PDE1A: variants seen among roughly 807,000 people sequenced by gnomAD.
PDE1A encodes the protein phosphodiesterase 1A, also known as dual specificity calcium/calmodulin-dependent 3',5'-cyclic nucleotide phosphodiesterase 1A.
In PDE1A, 35 loss-of-function variants were observed where a neutral mutation model predicts 61.7. The observed-to-expected ratio is 0.57, with a 90% CI of 0.43 to 0.75. PDE1A has a LOEUF of 0.75. Among genes scored for constraint, PDE1A ranks in the 30% least tolerant of loss-of-function variants. The pLI, the probability that PDE1A is intolerant of heterozygous loss-of-function variation, is 0.00. For synonymous variants in PDE1A, 232 were observed against 213.2 expected, an observed-to-expected ratio of 1.09 and a Z score of -0.77; for missense variants, 597 against 630.6, an observed-to-expected ratio of 0.95 and a Z score of 0.57.
intron 2 of PDE1A, among the ~76,000 whole-genome samples, chr2:182,503,168 G>A (rs1689198608): frequency 6.6e-6 from 1 of 151,600 alleles, no homozygotes; most frequent in African/African-American, 2.4e-5. Flanking sequence ...TCTCAAATAT[G>A]TCCCAAATCT....
intron 11 of PDE1A, 68 bp from the exon 12 acceptor site, chr2:182,186,656 C>A: frequency 6.8e-7 from 1 of 1,476,544 alleles, no homozygotes; most frequent in South Asian, 1.3e-5. Context: ...ATTCTGAAAT[C>A]AGAAATAATG....
At chr2:182,178,518 TC>T (rs1215170218) in intron 13 of PDE1A, among the ~76,000 whole-genome samples, 1 of 152,114 alleles carries the variant, frequency 6.6e-6, no homozygotes, top group African/African-American at 2.4e-5. Context: ...AATTTGGCCA[TC>T]CCTGTGCATT....
At chr2:182,385,141 G>C (rs1320096491) in intron 1 of PDE1A, among the ~76,000 whole-genome samples, 2 of 152,100 alleles carry the variant, frequency 1.3e-5, no homozygotes, top group African/African-American at 2.4e-5. Context: ...ATCTCCACCA[G>C]GCCTGTCTTA....
chr2:182,228,148 T>C (rs1468847222), intron 6 of PDE1A, among the ~76,000 whole-genome samples: 2 of 152,126 alleles, frequency 1.3e-5, no homozygotes, highest in South Asian at 2.1e-4. Context: ...ACTGTCACCA[T>C]GGCACAGGAC....
At chr2:182,318,846 T>G (rs1337846247) in intron 1 of PDE1A, among the ~76,000 whole-genome samples, 2 of 152,198 alleles carry the variant, frequency 1.3e-5, no homozygotes, top group African/African-American at 4.8e-5. Flanking sequence ...CCTTTCTTTT[T>G]TTAAAACCTT....
chr2:182,218,641 A>G (rs190353565), intron 7 of PDE1A, among the ~76,000 whole-genome samples: 26 of 152,138 alleles, frequency 1.7e-4, no homozygotes, highest in African/African-American at 5.5e-4. Context: ...GGTCCTCTCT[A>G]TTCCTAGTTG....
At chr2:182,403,455 C>T (rs571187973) in intron 1 of PDE1A, among the ~76,000 whole-genome samples, 239 of 151,888 alleles carry the variant, frequency 1.6e-3, no homozygotes, top group Non-Finnish European at 3.0e-3. Flanking sequence ...AAAAATTAGC[C>T]GTGCGTGGTG....
At chr2:182,534,047 A>T in the PDE1A span, among the ~76,000 whole-genome samples, 1 of 151,786 alleles carries the variant, frequency 6.6e-6, no homozygotes, top group South Asian at 2.1e-4. Flanking sequence ...AAAAATGCAA[A>T]GTAAAAAAAT....
At chr2:182,305,451 C>T (rs183025756) in intron 1 of PDE1A, among the ~76,000 whole-genome samples, 12 of 152,148 alleles carry the variant, frequency 7.9e-5, no homozygotes, top group Admixed American at 4.6e-4. Context: ...AGACTGCTGA[C>T]CAGATTTAGC....
At chr2:182,575,881 T>TTA in the PDE1A span, among the ~76,000 whole-genome samples, 3 of 146,396 alleles carry the variant, frequency 2.0e-5, no homozygotes, top group Non-Finnish European at 3.0e-5. Context: ...AGTTAATACT[T>TTA]TATATATATA....
At chr2:182,424,195 T>C (rs185834517) in intron 1 of PDE1A, among the ~76,000 whole-genome samples, 187 of 152,322 alleles carry the variant, frequency 1.2e-3, no homozygotes, top group African/African-American at 4.3e-3. Context: ...TCCACTCACC[T>C]TGGCCTCCCA....
the PDE1A span, among the ~76,000 whole-genome samples, chr2:182,626,558 A>G: frequency 2.6e-5 from 4 of 151,092 alleles, no homozygotes; most frequent in East Asian, 1.9e-4. Flanking sequence ...AAAAAAAACC[A>G]TGATGACTCC....
At chr2:182,211,129 C>A (rs781092319) in intron 7 of PDE1A, among the ~76,000 whole-genome samples, 2 of 152,134 alleles carry the variant, frequency 1.3e-5, no homozygotes. Context: ...ACCTTCCAAC[C>A]CTGTCACATT....
chr2:182,235,389 A>C (rs1349573175), intron 3 of PDE1A, among the ~76,000 whole-genome samples: 1 of 152,190 alleles, frequency 6.6e-6, no homozygotes, highest in Non-Finnish European at 1.5e-5. Context: ...TGATCCGCCC[A>C]CATTGGCCTC....
chr2:182,556,473 T>C, the PDE1A span, among the ~76,000 whole-genome samples: 2 of 152,098 alleles, frequency 1.3e-5, no homozygotes, highest in Non-Finnish European at 2.9e-5. Flanking sequence ...AATACTCCTA[T>C]AAATAAATTA....
At chr2:182,482,548 T>G (rs1402228101) in intron 2 of PDE1A, among the ~76,000 whole-genome samples, 1 of 151,920 alleles carries the variant, frequency 6.6e-6, no homozygotes, top group East Asian at 1.9e-4. Flanking sequence ...CTGGATCACA[T>G]TGTCAGGACA....
At chr2:182,648,699 C>CT in the PDE1A span, among the ~76,000 whole-genome samples, 6 of 134,418 alleles carry the variant, frequency 4.5e-5, no homozygotes, top group African/African-American at 1.7e-4. Flanking sequence ...GACCCTGTCT[C>CT]TTTAAAAAAA....
chr2:182,695,591 C>T, the PDE1A span, among the ~76,000 whole-genome samples: 1 of 147,752 alleles, frequency 6.8e-6, no homozygotes. Context: ...GGCGTGAACC[C>T]GGGAGGCGGA....
chr2:182,710,262 A>T, the PDE1A span, among the ~76,000 whole-genome samples: 6 of 152,210 alleles, frequency 3.9e-5, no homozygotes, highest in African/African-American at 1.4e-4. Context: ...TGTATATTCA[A>T]CATATACAAC....
Sources: gnomAD v4.1 joint callset for allele counts (sites outside exome capture counted in the v4.1 genomes callset) on GRCh38, gnomAD v4.1.1 for gene constraint, MANE v1.5 for transcripts, NCBI Gene and HGNC (gene_info 2026-07-23, HGNC 2026-07-21) for gene names.